The following HERC3 variants were observed in gnomAD, a reference collection of about 807,000 sequenced individuals.
HERC3 encodes probable E3 ubiquitin-protein ligase HERC3.
Under a neutral mutation model 129.9 loss-of-function variants are expected in HERC3, and 58 were observed. The ratio of observed to expected loss-of-function variants is 0.45; its 90% confidence interval spans 0.36 to 0.56. HERC3 has a LOEUF of 0.56. Among genes scored for constraint, HERC3 ranks in the 20% least tolerant of loss-of-function variants. HERC3 has a pLI of 0.00. For synonymous variants in HERC3, 430 were observed against 451.0 expected, an observed-to-expected ratio of 0.95 and a Z score of 0.59; for missense variants, 835 against 1,244.2, an observed-to-expected ratio of 0.67 and a Z score of 4.95.
chr4:88,546,213 G>T, the HERC3 span, among the ~76,000 whole-genome samples: 1 of 152,102 alleles, frequency 6.6e-6, no homozygotes, highest in Admixed American at 6.6e-5. Flanking sequence ...ATTCCATGTT[G>T]TCTATACTGA....
At chr4:88,606,969 G>A (rs1353184027) in intron 3 of HERC3, among the ~76,000 whole-genome samples, 3 of 152,170 alleles carry the variant, frequency 2.0e-5, no homozygotes, top group African/African-American at 7.2e-5. Flanking sequence ...CTTTGTTTCT[G>A]CAACATGCTC....
At chr4:88,663,213 A>G (rs945263456) in intron 11 of HERC3, among the ~76,000 whole-genome samples, 5 of 152,152 alleles carry the variant, frequency 3.3e-5, no homozygotes, top group Admixed American at 6.6e-5. Flanking sequence ...GCATTATGAC[A>G]TAGATTGTAG....
chr4:88,583,229 A>C, the HERC3 span, among the ~76,000 whole-genome samples: 1 of 151,872 alleles, frequency 6.6e-6, no homozygotes, highest in Non-Finnish European at 1.5e-5. Flanking sequence ...CGAGGTCAGG[A>C]GATTGAGATC....
the HERC3 span, among the ~76,000 whole-genome samples, chr4:88,585,273 C>A: frequency 3.3e-5 from 5 of 152,294 alleles, no homozygotes; most frequent in South Asian, 1.0e-3. Flanking sequence ...TTAGTGGGGA[C>A]ACAAATATTC....
At chr4:88,537,356 A>G in the HERC3 span, among the ~76,000 whole-genome samples, 1 of 152,088 alleles carries the variant, frequency 6.6e-6, no homozygotes. Flanking sequence ...GCATTATGGG[A>G]AGTTTACTTG....
chr4:88,706,723 C>A lies in HERC3; in HGVS notation c.2945-29C>A, dbSNP rs773516439. On this transcript the variant is annotated intron_variant, in intron 25 of 25. Coordinates refer to ENST00000402738, the MANE Select transcript of HERC3 (RefSeq NM_014606.3). The stretch of plus-strand genomic sequence containing the variant: ...TGAGATCCATTTTCCGTTTGCTTAG[C>A]TGCTAATGCCATTTCTCGTTCTCCC... 8 of 1,595,430 alleles carry A rather than the reference C, an allele frequency of 5.0e-6. No individual in the cohort carries two copies. In the South Asian group the frequency reaches 8.9e-5, roughly 18 times the overall value.
At chr4:88,543,554 T>A in the HERC3 span, among the ~76,000 whole-genome samples, 1 of 152,158 alleles carries the variant, frequency 6.6e-6, no homozygotes, top group East Asian at 1.9e-4. Context: ...AAGCTACCAA[T>A]GACTTTCTTC....
the HERC3 span, among the ~76,000 whole-genome samples, chr4:88,585,603 A>T: frequency 6.7e-6 from 1 of 149,990 alleles, no homozygotes; most frequent in Non-Finnish European, 1.5e-5. Context: ...GATGAAAATG[A>T]TGAACAACAA....
chr4:88,613,208 T>C (rs1724544700), intron 3 of HERC3, among the ~76,000 whole-genome samples: 1 of 152,178 alleles, frequency 6.6e-6, no homozygotes. Flanking sequence ...ATTTTAAAAT[T>C]CTCTGTAGAC....
chr4:88,540,464 G>A, the HERC3 span, among the ~76,000 whole-genome samples: 13 of 152,170 alleles, frequency 8.5e-5, no homozygotes, highest in East Asian at 1.9e-4. Context: ...CCAAATCTAC[G>A]TTTGACTGGT....
the HERC3 span, among the ~76,000 whole-genome samples, chr4:88,559,491 GTTGTT>G: frequency 6.6e-6 from 1 of 152,080 alleles, no homozygotes; most frequent in African/African-American, 2.4e-5. Context: ...CTGTATAGTT[GTTGTT>G]TTGTTTTGTT....
the HERC3 span, among the ~76,000 whole-genome samples, chr4:88,569,349 G>A: frequency 6.6e-6 from 1 of 152,182 alleles, no homozygotes; most frequent in Non-Finnish European, 1.5e-5. Flanking sequence ...GATGGGAGAG[G>A]GGTGGCATCT....
the HERC3 span, among the ~76,000 whole-genome samples, chr4:88,582,834 A>G: frequency 6.6e-6 from 1 of 152,138 alleles, no homozygotes; most frequent in Non-Finnish European, 1.5e-5. Context: ...TGTCCTTTGG[A>G]ACCATTAATT....
chr4:88,646,649 A>G (rs1728720564), intron 3 of HERC3, among the ~76,000 whole-genome samples: 1 of 152,134 alleles, frequency 6.6e-6, no homozygotes, highest in Admixed American at 6.6e-5. Context: ...AATGAATCAG[A>G]GGGCACTTCA....
chr4:88,667,949 G>A lies in HERC3; in HGVS notation c.1501G>A (p.Val501Ile). 2 of 1,613,526 alleles carry A rather than the reference G, an allele frequency of 1.2e-6. No homozygotes were observed. The highest frequency in any genetic ancestry group is 1.7e-6 in the Non-Finnish European group (2 of 1,179,518). ...CCAGTTGTCAAGCTCACCACCAGATGTTGAAGCCATGAGAATCTATTTAAT... is the reference window on the plus strand; with the variant it reads ...CCAGTTGTCAAGCTCACCACCAGATATTGAAGCCATGAGAATCTATTTAAT... Reference protein sequence around the residue: ...IPQLSSSPPDVEAMRIYLILP... With the variant: ...IPQLSSSPPDIEAMRIYLILP... The change falls in exon 14 of 26, where the codon GTT becomes ATT. Residue 501 changes from valine (V) to isoleucine (I), a missense_variant. Coordinates refer to ENST00000402738, the MANE Select transcript of HERC3 (RefSeq NM_014606.3).
the HERC3 span, among the ~76,000 whole-genome samples, chr4:88,559,307 T>C: frequency 6.6e-6 from 1 of 152,212 alleles, no homozygotes; most frequent in African/African-American, 2.4e-5. Flanking sequence ...TAGCATGAAT[T>C]CCAAATACAG....
At chr4:88,579,227 AAAAAAAT>A in the HERC3 span, among the ~76,000 whole-genome samples, 1 of 96,290 alleles carries the variant, frequency 1.0e-5, no homozygotes, top group Non-Finnish European at 1.8e-5. Flanking sequence ...ACTAAAAAAA[AAAAAAAT>A]ATATATATAT....
chr4:88,655,795 G>T, intron 8 of HERC3, 80 bp from the exon 9 acceptor site: 1 of 1,422,052 alleles, frequency 7.0e-7, no homozygotes, highest in Non-Finnish European at 9.7e-7. Flanking sequence ...CTGTGCACAT[G>T]TGGAAGTTAA....
At chr4:88,612,828 A>T (rs1169492661) in intron 3 of HERC3, among the ~76,000 whole-genome samples, 1 of 152,138 alleles carries the variant, frequency 6.6e-6, no homozygotes, top group Non-Finnish European at 1.5e-5. Flanking sequence ...AGCAAACAAA[A>T]CATAAGCTTT....
Sources: allele counts gnomAD v4.1 joint callset (sites outside exome capture counted in the v4.1 genomes callset), GRCh38; gene constraint gnomAD v4.1.1; transcripts MANE v1.5; gene names NCBI Gene and HGNC (gene_info 2026-07-23, HGNC 2026-07-21).